Variants in TCP11L2 observed in about 807,000 individuals in gnomAD.
TCP11L2 encodes T-complex protein 11-like protein 2.
In TCP11L2, 39 loss-of-function variants were observed where a neutral mutation model predicts 50.7. The observed-to-expected ratio is 0.77, with a 90% CI of 0.60 to 1.01. TCP11L2 has a LOEUF of 1.01. Among genes scored for constraint, TCP11L2 ranks in the 50% least tolerant of loss-of-function variants. The pLI is 0.00. For missense variants in TCP11L2, 612 were observed against 614.7 expected (o/e 1.00, Z 0.05); for synonymous variants, 192 against 219.3 (o/e 0.88, Z 1.10).
Position 106,336,037 on chromosome 12 carries a change from T to TA in TCP11L2, c.967dup (p.Met323AsnfsTer40). The TA allele has an allele frequency of 3.1e-6, 5 of 1,608,828 alleles. No individual in the cohort carries two copies. Among genetic ancestry groups the TA allele is most frequent in the Non-Finnish European group, 4.2e-6 (5 of 1,178,296 alleles). On this transcript the variant is annotated frameshift_variant, in exon 8 of 10. Coordinates refer to ENST00000299045, the MANE Select transcript of TCP11L2 (RefSeq NM_152772.3). LOFTEE classifies it high-confidence loss of function. ...ATTTTAAATAAATATGTTAGACACTTATGACAGATGGAGCACGTCTTCAGG... is the reference window on the plus strand; with the variant it reads ...ATTTTAAATAAATATGTTAGACACTTAATGACAGATGGAGCACGTCTTCAGG...
intron 8 of TCP11L2, among the ~76,000 whole-genome samples, chr12:106,336,645 C>T (rs1262978631): frequency 2.7e-5 from 4 of 150,814 alleles, no homozygotes; most frequent in South Asian, 2.1e-4. Flanking sequence ...CTCCGCCTCC[C>T]GGGTTCAAGC....
In TCP11L2 at chr12:106,341,282, A is replaced by G. The variant is rs558521857; in HGVS notation, c.1315+284A>G. Among the ~76,000 whole-genome samples, 8 of 152,348 alleles carry G rather than the reference A, an allele frequency of 5.3e-5. No homozygotes were observed. The East Asian group carries it at 1.3e-3, about 26-fold the overall frequency. ...GGAGTAATGTTAAAATCCTAGATCA[A>G]TGCAGTAATTCAAACCAGCTGGCAG... On this transcript the variant is annotated intron_variant, in intron 9 of 9. Transcript: ENST00000299045.
intron 6 of TCP11L2, chr12:106,329,824 A>G (rs1311798946): frequency 1.0e-6 from 1 of 987,124 alleles, no homozygotes. Flanking sequence ...TAAATGAAAG[A>G]CTGCAAGTCT....
At chr12:106,316,490 C>T (rs536127393) in intron 3 of TCP11L2, among the ~76,000 whole-genome samples, 2 of 152,062 alleles carry the variant, frequency 1.3e-5, no homozygotes, top group Non-Finnish European at 2.9e-5. Flanking sequence ...GTCTCATAAA[C>T]TTTGTTCCTC....
At chr12:106,332,057 G>A (rs1284459261) in intron 6 of TCP11L2, among the ~76,000 whole-genome samples, 1 of 152,182 alleles carries the variant, frequency 6.6e-6, no homozygotes, top group Non-Finnish European at 1.5e-5. Flanking sequence ...GGCTCTGTTT[G>A]ACAGATAATC....
intron 6 of TCP11L2, chr12:106,324,510 G>C (rs954678833): frequency 3.9e-5 from 6 of 152,160 alleles, no homozygotes; most frequent in African/African-American, 1.2e-4. Flanking sequence ...TCATCAGAGA[G>C]TTTTAATCAG....
At chr12:106,331,818 G>T (rs888435026) in intron 6 of TCP11L2, among the ~76,000 whole-genome samples, 2 of 152,208 alleles carry the variant, frequency 1.3e-5, no homozygotes, top group African/African-American at 4.8e-5. Context: ...CAAGTTCTTA[G>T]TCACATGTTG....
At chr12:106,316,321 A>C (rs965860010) in intron 3 of TCP11L2, among the ~76,000 whole-genome samples, 2 of 152,160 alleles carry the variant, frequency 1.3e-5, no homozygotes, top group African/African-American at 2.4e-5. Context: ...AAAACTCTTC[A>C]ATGGTTTTCA....
intron 6 of TCP11L2, among the ~76,000 whole-genome samples, chr12:106,328,435 T>G (rs1221201435): frequency 6.6e-6 from 1 of 152,206 alleles, no homozygotes; most frequent in Non-Finnish European, 1.5e-5. Flanking sequence ...TCCTAGCTAC[T>G]TAGGAGACTG....
chr12:106,308,566 G>A (rs1301532282), intron 1 of TCP11L2, among the ~76,000 whole-genome samples: 1 of 152,158 alleles, frequency 6.6e-6, no homozygotes, highest in African/African-American at 2.4e-5. Context: ...GAGGGCAACC[G>A]AAGTAGAGAA....
chr12:106,311,867 A>G (rs1199602306), intron 2 of TCP11L2, among the ~76,000 whole-genome samples: 3 of 152,206 alleles, frequency 2.0e-5, no homozygotes, highest in Non-Finnish European at 4.4e-5. Flanking sequence ...TAGTAAATAT[A>G]ACAGCTTTAA....
Position 106,318,359 on chromosome 12 carries a change from G to A in TCP11L2, c.309G>A (p.Val103=), listed in dbSNP as rs1167215060. Reference sequence around the variant, plus strand: ...ATTGCCATAGTTTGGCTGGTCGAGTGAAGCACATTGTTCACCAGGCCTTCT... The same window carrying A: ...ATTGCCATAGTTTGGCTGGTCGAGTAAAGCACATTGTTCACCAGGCCTTCT... The part of the protein sequence containing the change: ...ALPEKSLAGR[V]KHIVHQAFWD... Residue 103 remains valine, a synonymous_variant, in exon 4 of 10, where the codon GTG becomes GTA. Coordinates refer to ENST00000299045, the MANE Select transcript of TCP11L2 (RefSeq NM_152772.3). The A allele has an allele frequency of 6.8e-6, 11 of 1,613,564 alleles. No homozygotes were observed. The highest frequency in any genetic ancestry group is 9.3e-6 in the Non-Finnish European group (11 of 1,179,710).
intron 2 of TCP11L2, chr12:106,312,442 T>C: frequency 8.3e-7 from 1 of 1,203,012 alleles, no homozygotes; most frequent in Non-Finnish European, 1.0e-6. Flanking sequence ...CAGGTTTCTG[T>C]GCCTTTTCTC....
intron 8 of TCP11L2, among the ~76,000 whole-genome samples, chr12:106,339,649 G>A (rs999559533): frequency 1.3e-5 from 2 of 152,116 alleles, no homozygotes; most frequent in Non-Finnish European, 2.9e-5. Context: ...TTTTGTATCT[G>A]GTGAAAGGAA....
chr12:106,323,515 T>C lies in TCP11L2; in HGVS notation c.641T>C (p.Ile214Thr). 6.3e-7 allele frequency: 1 copy of C among 1,590,930 alleles called. No homozygotes were observed. The highest frequency in any genetic ancestry group is 8.6e-7 in the Non-Finnish European group (1 of 1,167,828). Residue 214 changes from isoleucine (I) to threonine (T), a missense_variant, in exon 6 of 10, where the codon ATA (isoleucine) becomes ACA (threonine). Ile to Thr is a moderately conservative substitution (Grantham distance 89). Coordinates refer to ENST00000299045, the MANE Select transcript of TCP11L2 (RefSeq NM_152772.3). ...TTTAATTCTAAAATTTTTAGACAAATATTCCATGTCCTGGACCTCATGCAA... is the reference window on the plus strand; with the variant it reads ...TTTAATTCTAAAATTTTTAGACAAACATTCCATGTCCTGGACCTCATGCAA... ...TGNIVEVLRQ[I>T]FHVLDLMQMD...
At position 106,302,809 on chromosome 12, in the gene TCP11L2, C is replaced by T. The variant is rs1236970836; in HGVS notation, c.-168C>T. ...TTTAAATACCGCGTTGGGGGGGACA[C>T]TGGGGCTGGGGGGGTTTGTTGGGCT... On this transcript the variant is annotated 5_prime_UTR_variant, in exon 1 of 10. Transcript: ENST00000299045. The T allele has an allele frequency of 3.4e-5, 5 of 147,404 alleles. No homozygotes were observed. Among genetic ancestry groups the T allele is most frequent in the African/African-American group, 1.3e-4 (5 of 39,816 alleles). The allele number at this position is 147,404 out of a possible 1,614,324, so 9.1% of individuals were successfully genotyped here.
At chr12:106,318,928 G>A (rs1273713035) in intron 4 of TCP11L2, among the ~76,000 whole-genome samples, 4 of 148,614 alleles carry the variant, frequency 2.7e-5, no homozygotes, top group Non-Finnish European at 4.4e-5. Flanking sequence ...TTTTTGAGAC[G>A]GAGTCTCACT....
At chr12:106,338,352 GTTCCCCT>G (rs1012341095) in intron 8 of TCP11L2, among the ~76,000 whole-genome samples, 1 of 72,674 alleles carries the variant, frequency 1.4e-5, no homozygotes, top group Non-Finnish European at 3.5e-5. Context: ...AGTATCTGTT[GTTCCCCT>G]TTATGTCCAT....
intron 4 of TCP11L2, among the ~76,000 whole-genome samples, chr12:106,320,272 C>T (rs1337439670): frequency 6.6e-6 from 1 of 152,084 alleles, no homozygotes; most frequent in Non-Finnish European, 1.5e-5. Flanking sequence ...GTGGTGCACC[C>T]CTGTAATCCC....
Sources: allele counts gnomAD v4.1 joint callset (sites outside exome capture counted in the v4.1 genomes callset), GRCh38; gene constraint gnomAD v4.1.1; transcripts MANE v1.5; gene names NCBI Gene and HGNC (gene_info 2026-07-23, HGNC 2026-07-21).